NEU3: variants seen among roughly 807,000 people sequenced by gnomAD.
The protein encoded by NEU3 is neuraminidase 3.
NEU3 carries 10 observed loss-of-function variants against 11.4 expected under a neutral mutation model. That is an observed-to-expected ratio of 0.88 (90% CI 0.54 to 1.49). NEU3 has a LOEUF of 1.49. Ranked by LOEUF, NEU3 falls within the 40% of genes most tolerant of loss-of-function variation. The pLI is 0.00. For missense variants in NEU3, 529 were observed against 581.8 expected (o/e 0.91, Z 0.93); for synonymous variants, 212 against 228.2 (o/e 0.93, Z 0.64).
intron 2 of NEU3, among the ~76,000 whole-genome samples, chr11:74,997,960 C>T (rs182091883): frequency 1.3e-3 from 198 of 152,266 alleles, no homozygotes; most frequent in Non-Finnish European, 1.9e-3. Context: ...ATGCCTTCCT[C>T]GTAAGTTTAA....
At chr11:75,013,270 G>C (rs539550169), downstream of NEU3, among the ~76,000 whole-genome samples, 1 of 115,846 alleles carries the variant, frequency 8.6e-6, no homozygotes, top group Admixed American at 8.5e-5. Flanking sequence ...GTGTAGATCT[G>C]ATGAGTCAGT....
At chr11:74,994,820 C>G in intron 2 of NEU3, 100 bp downstream of exon 2, 1 of 1,135,946 alleles carries the variant, frequency 8.8e-7, no homozygotes. Flanking sequence ...ACAGGAAAGC[C>G]CTGTGTGGGG....
chr11:74,980,685 A>G, the NEU3 span, among the ~76,000 whole-genome samples: 8 of 152,210 alleles, frequency 5.3e-5, no homozygotes, highest in African/African-American at 1.9e-4. Flanking sequence ...TGTTTTAAAT[A>G]CATACACATA....
In NEU3 at chr11:75,005,438, A is replaced by C. The variant is rs779337545; in HGVS notation, c.332A>C (p.Glu111Ala). ...VQWGPLKPLM[E>A]ATLPGHRTMN... ...TGGGGGCCCCTGAAGCCACTGATGG[A>C]AGCCACACTACCGGGGCATCGGACC... Residue 111 changes from glutamate (E) to alanine (A), a missense_variant, in exon 3 of 3, where the codon GAA becomes GCA. By Grantham distance (107) the Glu-to-Ala change is moderately radical. Coordinates refer to ENST00000294064, the MANE Select transcript of NEU3 (RefSeq NM_006656.6). The C allele has an allele frequency of 1.2e-6, 2 of 1,612,208 alleles. No homozygotes were observed. The highest frequency in any genetic ancestry group is 1.1e-5 in the South Asian group (1 of 90,882).
intron 1 of NEU3, among the ~76,000 whole-genome samples, chr11:74,989,592 G>A (rs1948709094): frequency 6.6e-6 from 1 of 152,182 alleles, no homozygotes; most frequent in Non-Finnish European, 1.5e-5. Context: ...CTGGCACGTG[G>A]TAGGTGCTCC....
chr11:75,007,436 T>A lies in NEU3; in HGVS notation c.*944T>A, dbSNP rs1249811494. 6.6e-6 allele frequency: 1 copy of A among 152,218 alleles called. No homozygotes were observed. The highest frequency in any genetic ancestry group is 1.9e-4 in the East Asian group (1 of 5,200). The allele number at this position is 152,218 out of a possible 1,614,324, so 9.4% of individuals were successfully genotyped here. ...ACTTTGTAGATGTTGGGCTATATGTTGGGGTGATGGTAGCTCCTGATGTAA... is the reference window on the plus strand; with the variant it reads ...ACTTTGTAGATGTTGGGCTATATGTAGGGGTGATGGTAGCTCCTGATGTAA... On this transcript the variant is annotated 3_prime_UTR_variant, in exon 3 of 3. Transcript: ENST00000294064.
upstream of NEU3, among the ~76,000 whole-genome samples, chr11:74,983,354 C>A (rs570281876): frequency 1.3e-5 from 2 of 152,286 alleles, no homozygotes; most frequent in South Asian, 2.1e-4. Context: ...AAACAACATA[C>A]AACCGCAAGA....
intron 1 of NEU3, among the ~76,000 whole-genome samples, chr11:74,992,081 T>C (rs915064933): frequency 2.0e-5 from 3 of 152,206 alleles, no homozygotes; most frequent in African/African-American, 7.2e-5. Context: ...GATTGGATGA[T>C]GTTTGAGCAG....
chr11:74,989,130 A>G lies in NEU3; in HGVS notation c.70A>G (p.Thr24Ala). The change falls in exon 1 of 3, where the codon ACG becomes GCG. Residue 24 changes from threonine (T) to alanine (A), a missense_variant. Thr to Ala is a moderately conservative substitution (Grantham distance 58). Transcript: ENST00000294064. Reference protein sequence around the residue: ...SPASSSAPTETEEPGSSAEVM... With the variant: ...SPASSSAPTEAEEPGSSAEVM... Reference sequence around the variant, plus strand: ...GGCGTCCAGCTCTGCCCCGACAGAGACGGAGGAGCCGGGGTCCAGTGCAGG... The same window carrying G: ...GGCGTCCAGCTCTGCCCCGACAGAGGCGGAGGAGCCGGGGTCCAGTGCAGG... 6.4e-7 allele frequency: 1 copy of G among 1,551,106 alleles called. No individual in the cohort carries two copies. The highest frequency in any genetic ancestry group is 1.2e-5 in the South Asian group (1 of 84,046).
Position 75,007,839 on chromosome 11 carries a change from T to G in NEU3, c.*1347T>G, listed in dbSNP as rs551549619. The G allele has an allele frequency of 6.6e-6, 1 of 152,268 alleles. No homozygotes were observed. The highest frequency in any genetic ancestry group is 2.1e-4 in the South Asian group (1 of 4,820). The allele number at this position is 152,268 out of a possible 1,614,324, so 9.4% of individuals were successfully genotyped here. On this transcript the variant is annotated 3_prime_UTR_variant, in exon 3 of 3. Transcript: ENST00000294064. ...AGAGATTTATTTTTTTGTCCCTATT[T>G]TAGGAGTCTAATGCTTAAACTGGTA...
intron 1 of NEU3, among the ~76,000 whole-genome samples, chr11:74,990,364 C>A (rs529376397): frequency 6.7e-6 from 1 of 148,234 alleles, no homozygotes; most frequent in African/African-American, 2.5e-5. Flanking sequence ...TCTCCATTTC[C>A]TTTTTTTTTT....
Position 75,005,763 on chromosome 11 carries a change from G to T in NEU3, c.657G>T (p.Trp219Cys), listed in dbSNP as rs1198872533. 6.2e-7 allele frequency: 1 copy of T among 1,613,776 alleles called. No homozygotes were observed. The highest frequency in any genetic ancestry group is 2.2e-5 in the East Asian group (1 of 44,878). The change falls in exon 3 of 3, where the codon TGG (tryptophan) becomes TGT (cysteine). Residue 219 changes from tryptophan (W) to cysteine (C), a missense_variant. Physicochemically the swap from Trp to Cys is radical, Grantham distance 215. Coordinates refer to ENST00000294064, the MANE Select transcript of NEU3 (RefSeq NM_006656.6). ...IPAYTYYIPS[W>C]FFCFQLPCKT... ...CGTATACCTACTACATCCCTTCCTG[G>T]TTCTTTTGCTTCCAGCTACCATGTA...
intron 2 of NEU3, among the ~76,000 whole-genome samples, chr11:75,000,099 A>G (rs1416528097): frequency 2.0e-5 from 3 of 152,188 alleles, no homozygotes. Flanking sequence ...CCTATCTTGT[A>G]TTCCCTTTAA....
At chr11:74,986,005 C>T (rs545273836), upstream of NEU3, among the ~76,000 whole-genome samples, 1 of 152,330 alleles carries the variant, frequency 6.6e-6, no homozygotes, top group South Asian at 2.1e-4. Context: ...TTTCCAGACA[C>T]CTGTCAAAAA....
chr11:74,982,371 C>T, the NEU3 span, among the ~76,000 whole-genome samples: 1 of 152,172 alleles, frequency 6.6e-6, no homozygotes, highest in Non-Finnish European at 1.5e-5. Context: ...AGGTAGCTTA[C>T]TGCCAACAGA....
intron 2 of NEU3, among the ~76,000 whole-genome samples, chr11:74,997,350 G>A (rs989084971): frequency 1.3e-5 from 2 of 152,086 alleles, no homozygotes; most frequent in African/African-American, 4.8e-5. Flanking sequence ...AACTTTTCTT[G>A]TGCAGCTTCC....
upstream of NEU3, among the ~76,000 whole-genome samples, chr11:74,983,510 T>C (rs1172589935): frequency 6.6e-6 from 1 of 152,222 alleles, no homozygotes. Flanking sequence ...TTTAAAAAGA[T>C]AGGCACCTCT....
rs771976955 is a variant in NEU3 at position 75,004,414 on chromosome 11, C to T, written c.307-999C>T. Reference sequence around the variant, plus strand: ...CACTGTGCCTGGCCATTGTCAGTTTCGTTTTAATTTGCATTTCTCTCTTAT... The same window carrying T: ...CACTGTGCCTGGCCATTGTCAGTTTTGTTTTAATTTGCATTTCTCTCTTAT... On this transcript the variant is annotated intron_variant, in intron 2 of 2. Transcript: ENST00000294064. 126 of 483,590 alleles carry T rather than the reference C, an allele frequency of 2.6e-4. 2 individuals are homozygous for T. The Admixed American group carries it at 4.7e-3, about 18-fold the overall frequency. The allele number at this position is 483,590 out of a possible 1,614,324, so 30.0% of individuals were successfully genotyped here. A position where few individuals can be genotyped will look rare whatever the true frequency, so the allele number is the denominator to read the frequency against.
the NEU3 span, among the ~76,000 whole-genome samples, chr11:74,982,485 A>C: frequency 1.3e-5 from 2 of 152,190 alleles, no homozygotes; most frequent in African/African-American, 4.8e-5. Flanking sequence ...TGCCTCTCCC[A>C]ACAGTGTCTC....
Sources: allele counts gnomAD v4.1 joint callset (sites outside exome capture counted in the v4.1 genomes callset), GRCh38; gene constraint gnomAD v4.1.1; transcripts MANE v1.5; gene names NCBI Gene and HGNC (gene_info 2026-07-23, HGNC 2026-07-21).